HSPA12B: variants seen among roughly 807,000 people sequenced by gnomAD.
The protein encoded by HSPA12B is heat shock 70 kDa protein 12B.
A neutral mutation model predicts 69.3 loss-of-function variants in HSPA12B; 54 were observed. The observed-to-expected ratio is 0.78, with a 90% CI of 0.63 to 0.98. HSPA12B has a LOEUF of 0.98. Ranked by LOEUF, HSPA12B falls within the 50% of genes least tolerant of loss-of-function variation. The pLI is 0.00. For synonymous variants in HSPA12B, 441 were observed against 436.5 expected (o/e 1.01, Z -0.13); for missense variants, 929 against 999.8 (o/e 0.93, Z 0.96).
rs1050381302 is a variant in HSPA12B at position 3,752,246 on chromosome 20, C to T, written c.*80C>T. On this transcript the variant is annotated 3_prime_UTR_variant, in exon 13 of 13. Coordinates refer to ENST00000254963, the MANE Select transcript of HSPA12B (RefSeq NM_052970.5). ...CAGGGGCCTGCGGAGCGGGTTGGGG[C>T]GGGGGAAACGATAGTTCTGCAGTCT... The T allele has an allele frequency of 3.8e-6, 5 of 1,304,770 alleles. No homozygotes were observed. The highest frequency in any genetic ancestry group is 3.3e-5 in the Admixed American group (1 of 30,528). 80.8% of individuals were successfully genotyped at this position (1,304,770 alleles called of 1,614,324 possible).
rs764877710 is a variant in HSPA12B at position 3,752,193 on chromosome 20, G to C, written c.*27G>C. The C allele has an allele frequency of 2.1e-6, 3 of 1,450,932 alleles. No individual in the cohort carries two copies. Among genetic ancestry groups the C allele is most frequent in the African/African-American group, 3.0e-5 (2 of 67,388 alleles). 89.9% of individuals were successfully genotyped at this position (1,450,932 alleles called of 1,614,324 possible). On this transcript the variant is annotated 3_prime_UTR_variant, in exon 13 of 13. Transcript: ENST00000254963. ...GGCGCGCCGGCGCGGTGCCAGCGCC[G>C]TCTGCCCGGCCCCGCCCTCTTTCGG...
In HSPA12B at chr20:3,738,858, G is replaced by C; in HGVS notation, c.43+141G>C. On this transcript the variant is annotated intron_variant, in intron 2 of 12. Coordinates refer to ENST00000254963, the MANE Select transcript of HSPA12B (RefSeq NM_052970.5). ...TGTGAGTGAGTGTGTGTGTGTGTGT[G>C]CATGTGTGCAGGGCAGGTCTGTGTT... 4.6e-6 allele frequency: 3 copies of C among 648,202 alleles called. No individual in the cohort carries two copies. The South Asian group carries it at 6.0e-5, about 13-fold the overall frequency. The allele number at this position is 648,202 out of a possible 1,614,324, so 40.2% of individuals were successfully genotyped here. A position where few individuals can be genotyped will look rare whatever the true frequency, so the allele number is the denominator to read the frequency against.
At chr20:3,734,587 C>A (rs2088079031) in intron 1 of HSPA12B, among the ~76,000 whole-genome samples, 1 of 152,178 alleles carries the variant, frequency 6.6e-6, no homozygotes, top group African/African-American at 2.4e-5. Flanking sequence ...TCTGCCCAGA[C>A]CTAGCTTTCG....
At chr20:3,751,399 G>A in intron 12 of HSPA12B, 112 bp from the exon 13 acceptor site, 2 of 1,358,794 alleles carry the variant, frequency 1.5e-6, no homozygotes. Flanking sequence ...GGTAGGTACA[G>A]GCTAGGGAGG....
Position 3,745,722 on chromosome 20 carries a change from C to A in HSPA12B, c.558+125C>A, listed in dbSNP as rs1223985500. The A allele has an allele frequency of 2.1e-6, 2 of 949,980 alleles. No homozygotes were observed. Among genetic ancestry groups the A allele is most frequent in the Admixed American group, 1.9e-5 (1 of 53,526 alleles). 58.8% of individuals were successfully genotyped at this position (949,980 alleles called of 1,614,324 possible). A position where few individuals can be genotyped will look rare whatever the true frequency, so the allele number is the denominator to read the frequency against. Reference sequence around the variant, plus strand: ...GCCACCGCCGGAGCTCAGAGGTCATCTTCTCCAGTACCCTCCTCCCTTTTT... The same window carrying A: ...GCCACCGCCGGAGCTCAGAGGTCATATTCTCCAGTACCCTCCTCCCTTTTT... On this transcript the variant is annotated intron_variant, in intron 6 of 12. Coordinates refer to ENST00000254963, the MANE Select transcript of HSPA12B (RefSeq NM_052970.5). This position sits in a 1 kb window ranked among gnomAD's most constrained non-coding sequence, Gnocchi z 5.6.
rs1267748994 is a variant in HSPA12B at position 3,745,632 on chromosome 20, G to A, written c.558+35G>A. 1.3e-6 allele frequency: 2 copies of A among 1,580,986 alleles called. No homozygotes were observed. Among genetic ancestry groups the A allele is most frequent in the Non-Finnish European group, 1.7e-6 (2 of 1,150,922 alleles). On this transcript the variant is annotated intron_variant, in intron 6 of 12. Transcript: ENST00000254963. This position sits in a 1 kb window ranked among gnomAD's most constrained non-coding sequence, Gnocchi z 5.6. ...GGCCCCACCTCTGCCGACTGTGGCA[G>A]GGACCCCCTATTTTCCCCTCATCCG...
rs1037826524 is a variant in HSPA12B at position 3,752,268 on chromosome 20, G to A, written c.*102G>A. 5.1e-6 allele frequency: 6 copies of A among 1,166,698 alleles called. No individual in the cohort carries two copies. In the Admixed American group the frequency reaches 1.1e-4, roughly 21 times the overall value. The allele number at this position is 1,166,698 out of a possible 1,614,324, so 72.3% of individuals were successfully genotyped here. A position where few individuals can be genotyped will look rare whatever the true frequency, so the allele number is the denominator to read the frequency against. ...GGGCGGGGGAAACGATAGTTCTGCA[G>A]TCTGCGCCTTTCCACGCCCTCCAGC... On this transcript the variant is annotated 3_prime_UTR_variant, in exon 13 of 13. Coordinates refer to ENST00000254963, the MANE Select transcript of HSPA12B (RefSeq NM_052970.5).
rs1600319986 is a variant in HSPA12B at position 3,744,789 on chromosome 20, T to C, written c.267-113T>C. On this transcript the variant is annotated intron_variant, in intron 4 of 12. Coordinates refer to ENST00000254963, the MANE Select transcript of HSPA12B (RefSeq NM_052970.5). This position sits in a 1 kb window ranked among gnomAD's most constrained non-coding sequence, Gnocchi z 4.9. ...TCCTGCTGCCTATGGAGCCGACCCA[T>C]AGCTAGTTCTCCCTGCTCTTTCACA... 2.1e-6 allele frequency: 2 copies of C among 961,368 alleles called. No individual in the cohort carries two copies. The highest frequency in any genetic ancestry group is 2.5e-5 in the East Asian group (1 of 40,708). 59.6% of individuals were successfully genotyped at this position (961,368 alleles called of 1,614,324 possible). A position where few individuals can be genotyped will look rare whatever the true frequency, so the allele number is the denominator to read the frequency against.
chr20:3,748,710 C>A (rs150831862), intron 8 of HSPA12B, among the ~76,000 whole-genome samples: 71 of 152,224 alleles, frequency 4.7e-4, no homozygotes, highest in African/African-American at 1.6e-3. Context: ...TTGGGGGAGA[C>A]ACAGACTACC....
Position 3,752,336 on chromosome 20 carries a change from C to A in HSPA12B, c.*170C>A, listed in dbSNP as rs2088443952. ...CATGGGAGAGTGGGTGGGGACACAC[C>A]CAGAGACTGGCTTTGGGATTGGGCA... On this transcript the variant is annotated 3_prime_UTR_variant, in exon 13 of 13. Transcript: ENST00000254963. 1.6e-6 allele frequency: 1 copy of A among 613,280 alleles called. No homozygotes were observed. Among genetic ancestry groups the A allele is most frequent in the Non-Finnish European group, 2.5e-6 (1 of 393,306 alleles). 38.0% of individuals were successfully genotyped at this position (613,280 alleles called of 1,614,324 possible).
At chr20:3,746,540 G>A (rs966611636) in intron 7 of HSPA12B, among the ~76,000 whole-genome samples, 1 of 151,906 alleles carries the variant, frequency 6.6e-6, no homozygotes, top group African/African-American at 2.4e-5. Context: ...CTGACCTTGT[G>A]ATCCGCCCGC....
In HSPA12B at chr20:3,744,874, T is replaced by G. The variant is rs2088266905; in HGVS notation, c.267-28T>G. ...TGGATTCCCACCCAAGAAGGGAGGG[T>G]TGCACTGACTGCCCTGTGCCTCCGC... is the stretch of plus-strand genomic sequence containing the variant. On this transcript the variant is annotated intron_variant, in intron 4 of 12. Coordinates refer to ENST00000254963, the MANE Select transcript of HSPA12B (RefSeq NM_052970.5). This position sits in a 1 kb window ranked among gnomAD's most constrained non-coding sequence, Gnocchi z 4.9. The G allele has an allele frequency of 6.2e-7, 1 of 1,605,380 alleles. No individual in the cohort carries two copies. The highest frequency in any genetic ancestry group is 8.5e-7 in the Non-Finnish European group (1 of 1,177,198).
Position 3,745,862 on chromosome 20 carries a change from A to AGACC in HSPA12B, c.559-52_559-49dup. 1.3e-6 allele frequency: 2 copies of AGACC among 1,484,454 alleles called. No individual in the cohort carries two copies. Among genetic ancestry groups the AGACC allele is most frequent in the Non-Finnish European group, 1.9e-6 (2 of 1,061,914 alleles). 92.0% of individuals were successfully genotyped at this position (1,484,454 alleles called of 1,614,324 possible). ...TACCTCCAGTTCCGCAGAGGGCTGA[A>AGACC]GACCACCCTCCCTCCAAGCCAGCTT... On this transcript the variant is annotated intron_variant, in intron 6 of 12. Coordinates refer to ENST00000254963, the MANE Select transcript of HSPA12B (RefSeq NM_052970.5). The surrounding 1 kb of genome is among the most constrained non-coding windows in gnomAD (Gnocchi z 5.6).
At chr20:3,751,031 C>A in intron 12 of HSPA12B, 124 bp downstream of exon 12, 1 of 925,228 alleles carries the variant, frequency 1.1e-6, no homozygotes, top group South Asian at 1.5e-5. Context: ...CTAGAATCAT[C>A]TAGAACACCT....
intron 1 of HSPA12B, among the ~76,000 whole-genome samples, chr20:3,735,279 T>A (rs1042976339): frequency 6.6e-6 from 1 of 152,188 alleles, no homozygotes; most frequent in Non-Finnish European, 1.5e-5. Context: ...GGCACAGAGA[T>A]GTGGCATGAT....
chr20:3,735,610 C>T (rs1190950243), intron 1 of HSPA12B, among the ~76,000 whole-genome samples: 3 of 151,930 alleles, frequency 2.0e-5, no homozygotes, highest in South Asian at 2.1e-4. Flanking sequence ...GAATTACAGG[C>T]GTCTGCCACT....
In HSPA12B at chr20:3,744,987, T is replaced by C; in HGVS notation, c.352T>C (p.Phe118Leu). The C allele has an allele frequency of 6.2e-7, 1 of 1,613,912 alleles. No individual in the cohort carries two copies. Among genetic ancestry groups the C allele is most frequent in the Non-Finnish European group, 8.5e-7 (1 of 1,180,000 alleles). ...LLTPEGAFHS[F>L]GYTARDYYHD... The stretch of plus-strand genomic sequence containing the variant: ...GACTCCGGAGGGCGCCTTCCACAGC[T>C]TTGGCTACACCGCCCGCGATTACTA... The change falls in exon 5 of 13, where the codon TTT (phenylalanine) becomes CTT (leucine). Residue 118 changes from phenylalanine to leucine, a missense_variant. Around this residue, in one of 3 missense-constraint regions of HSPA12B, gnomAD observed 477 missense variants for 535.2 expected, o/e 0.89. Coordinates refer to ENST00000254963, the MANE Select transcript of HSPA12B (RefSeq NM_052970.5). This position sits in a 1 kb window ranked among gnomAD's most constrained non-coding sequence, Gnocchi z 4.9.
Position 3,750,884 on chromosome 20 carries a change from T to A in HSPA12B, c.1382T>A (p.Val461Asp). ...ATGAACGAGCTCTTTCAGCCCACCGTCAGCGGGATCATCCAGCACATAGGT... is the reference window on the plus strand; with the variant it reads ...ATGAACGAGCTCTTTCAGCCCACCGACAGCGGGATCATCCAGCACATAGGT... ...EAMNELFQPT[V>D]SGIIQHIEAL... is the part of the protein sequence containing the mutation. Residue 461 changes from valine (V) to aspartate (D), a missense_variant, in exon 12 of 13, where the codon GTC becomes GAC. Around this residue, in one of 3 missense-constraint regions of HSPA12B, gnomAD observed 448 missense variants for 448.1 expected, o/e 1.00. Transcript: ENST00000254963. 1 of 1,614,022 alleles carries A rather than the reference T, an allele frequency of 6.2e-7. No individual in the cohort carries two copies. The highest frequency in any genetic ancestry group is 1.1e-5 in the South Asian group (1 of 91,090).
rs373399946 is a variant in HSPA12B, at chr20:3,750,273, A to G, written c.1301+46A>G. ...CTCAGGCAGGGTTTGCCGACCCGGG[A>G]ATGACCGTGCACTGGAGGGTCCCGG... On this transcript the variant is annotated intron_variant, in intron 11 of 12. Coordinates refer to ENST00000254963, the MANE Select transcript of HSPA12B (RefSeq NM_052970.5). The G allele has an allele frequency of 2.3e-5, 35 of 1,533,044 alleles. No individual in the cohort carries two copies. The African/African-American group carries it at 4.0e-4, about 17-fold the overall frequency. 95.0% of individuals were successfully genotyped at this position (1,533,044 alleles called of 1,614,324 possible).
Sources: allele counts gnomAD v4.1 joint callset (sites outside exome capture counted in the v4.1 genomes callset), GRCh38; gene constraint gnomAD v4.1.1; regional missense constraint gnomAD v4.1.1; non-coding constraint Gnocchi (gnomAD v3.1); transcripts MANE v1.5; gene names NCBI Gene and HGNC (gene_info 2026-07-23, HGNC 2026-07-21).